Variants in ZNF280D observed in about 807,000 individuals in gnomAD.
ZNF280D encodes zinc finger protein 280D.
A neutral mutation model predicts 94.7 loss-of-function variants in ZNF280D; 39 were observed. The ratio of observed to expected loss-of-function variants is 0.41; its 90% CI spans 0.32 to 0.54. The LOEUF (loss-of-function observed/expected upper bound fraction) is 0.54. Among genes scored for constraint, ZNF280D ranks in the 20% least tolerant of loss-of-function variants. The pLI is 0.22. For missense variants in ZNF280D, 1,090 were observed against 1,149.3 expected (o/e 0.95, Z 0.75); for synonymous variants, 398 against 377.6 (o/e 1.05, Z -0.63).
intron 1 of ZNF280D, among the ~76,000 whole-genome samples, chr15:56,721,860 T>C (rs1037504433): frequency 2.0e-5 from 3 of 152,202 alleles, no homozygotes; most frequent in Non-Finnish European, 2.9e-5. Flanking sequence ...TCTTCAAGAA[T>C]GTTTCCTTCG....
chr15:56,713,681 C>T (rs1181619122), intron 1 of ZNF280D, among the ~76,000 whole-genome samples: 2 of 152,070 alleles, frequency 1.3e-5, no homozygotes, highest in East Asian at 3.8e-4. Flanking sequence ...TTTTGTGATC[C>T]CTCAAGCACT....
chr15:56,653,536 C>T (rs761409027), intron 19 of ZNF280D: 240 of 1,521,576 alleles, frequency 1.6e-4, no homozygotes, highest in Non-Finnish European at 1.9e-4. Context: ...TTGTGTCCAT[C>T]GAAGGGGGAC....
intron 19 of ZNF280D, among the ~76,000 whole-genome samples, chr15:56,647,349 G>A (rs1326432648): frequency 6.6e-6 from 1 of 152,156 alleles, no homozygotes; most frequent in African/African-American, 2.4e-5. Context: ...GCCCTGGCTG[G>A]TAAGAGATTA....
intron 7 of ZNF280D, among the ~76,000 whole-genome samples, chr15:56,692,252 T>C (rs1260253682): frequency 6.6e-6 from 1 of 151,910 alleles, no homozygotes; most frequent in Non-Finnish European, 1.5e-5. Flanking sequence ...AAATCAAGTA[T>C]TAAAAAATTG....
intron 16 of ZNF280D, among the ~76,000 whole-genome samples, chr15:56,663,281 C>CA (rs59183252): frequency 0.071 from 7,222 of 102,382 alleles, 521 homozygotes; most frequent in Admixed American, 0.18. Flanking sequence ...GACCCTTTCT[C>CA]AAAAAAAAAA....
At chr15:56,652,780 A>T (rs1279677028) in intron 19 of ZNF280D, 8 of 984,904 alleles carry the variant, frequency 8.1e-6, no homozygotes, top group Non-Finnish European at 9.6e-6. Context: ...CAATTAAGGT[A>T]ATATTAATAA....
intron 1 of ZNF280D, among the ~76,000 whole-genome samples, chr15:56,730,901 G>T (rs1237926995): frequency 6.6e-6 from 1 of 152,126 alleles, no homozygotes; most frequent in Non-Finnish European, 1.5e-5. Flanking sequence ...AATTGCAGAA[G>T]GAAATGCTTA....
At chr15:56,723,583 A>G (rs979270276) in intron 1 of ZNF280D, among the ~76,000 whole-genome samples, 41 of 152,170 alleles carry the variant, frequency 2.7e-4, no homozygotes, top group African/African-American at 9.4e-4. Context: ...CCCTTTTTCT[A>G]CTAAACTGCC....
Position 56,722,762 on chromosome 15 carries a change from TAA to T in ZNF280D, c.-86+10694_-86+10695del, listed in dbSNP as rs544832050. Among the ~76,000 whole-genome samples, 1,501 of 152,208 alleles carry T rather than the reference TAA, an allele frequency of 9.9e-3. 12 individuals carry two copies. Among genetic ancestry groups the T allele is most frequent in the Middle Eastern group, 0.017 (5 of 294 alleles). ...CAAAGGACTATAAATCATGCTGCTATAAAGACACATGCACACGTCTGTTTATT... is the reference window on the plus strand; with the variant it reads ...CAAAGGACTATAAATCATGCTGCTATAGACACATGCACACGTCTGTTTATT... On this transcript the variant is annotated intron_variant, in intron 1 of 21. Coordinates refer to ENST00000267807, the MANE Select transcript of ZNF280D (RefSeq NM_017661.4).
Position 56,631,876 on chromosome 15 carries a change from G to A in ZNF280D, c.2562C>T (p.Cys854=), listed in dbSNP as rs181896873. ...ATAAGATTATGTTTTCTGAACTTTG[G>A]CACATCTTCAACTCCATTTCCTGAC... ...HVCQEMELKM[C]QSSENIILSD... is the part of the protein sequence containing the mutation. Residue 854 remains cysteine (C), a synonymous_variant, in exon 22 of 22, where the codon TGC becomes TGT. Transcript: ENST00000267807. 4.3e-6 allele frequency: 7 copies of A among 1,613,566 alleles called. No individual in the cohort carries two copies. Among genetic ancestry groups the A allele is most frequent in the East Asian group, 2.2e-5 (1 of 44,856 alleles).
chr15:56,645,860 T>C (rs1263345028), intron 19 of ZNF280D, among the ~76,000 whole-genome samples: 1 of 152,114 alleles, frequency 6.6e-6, no homozygotes, highest in Non-Finnish European at 1.5e-5. Context: ...CCATACAAAA[T>C]TTAACATTCT....
chr15:56,648,920 C>G (rs571110367), intron 19 of ZNF280D, among the ~76,000 whole-genome samples: 1 of 152,152 alleles, frequency 6.6e-6, no homozygotes, highest in South Asian at 2.1e-4. Flanking sequence ...TCCTTAGGAC[C>G]AGTTCTATTT....
intron 3 of ZNF280D, among the ~76,000 whole-genome samples, chr15:56,704,959 G>T (rs1393280617): frequency 6.6e-6 from 1 of 151,992 alleles, no homozygotes; most frequent in Admixed American, 6.6e-5. Flanking sequence ...TTCCAGCCAG[G>T]GGTGACAGAT....
intron 20 of ZNF280D, among the ~76,000 whole-genome samples, chr15:56,640,645 T>C (rs1179114582): frequency 6.6e-6 from 1 of 152,180 alleles, no homozygotes; most frequent in Non-Finnish European, 1.5e-5. Context: ...GAGCAAACTG[T>C]CATGTACAAT....
chr15:56,631,860 T>A lies in ZNF280D; in HGVS notation c.2578A>T (p.Ile860Leu). Residue 860 changes from isoleucine to leucine, a missense_variant, in exon 22 of 22, where the codon ATA becomes TTA. By Grantham distance (5) the Ile-to-Leu change is conservative (BLOSUM62 2). Coordinates refer to ENST00000267807, the MANE Select transcript of ZNF280D (RefSeq NM_017661.4). ...TCTTTAATCTGATCAGATAAGATTA[T>A]GTTTTCTGAACTTTGGCACATCTTC... ...ELKMCQSSENIILSDQIKDHN... is the reference protein window; with the variant it reads ...ELKMCQSSENLILSDQIKDHN... 6.2e-7 allele frequency: 1 copy of A among 1,613,898 alleles called. No homozygotes were observed. The highest frequency in any genetic ancestry group is 1.3e-5 in the African/African-American group (1 of 75,074).
At chr15:56,697,320 G>C (rs1484314804) in intron 6 of ZNF280D, among the ~76,000 whole-genome samples, 2 of 152,058 alleles carry the variant, frequency 1.3e-5, no homozygotes, top group African/African-American at 4.8e-5. Flanking sequence ...AAGTAGCTGG[G>C]ATTACAGGCG....
At chr15:56,662,453 T>A (rs908932714) in intron 16 of ZNF280D, among the ~76,000 whole-genome samples, 1 of 152,148 alleles carries the variant, frequency 6.6e-6, no homozygotes. Flanking sequence ...CTGCAGTTTG[T>A]AATGTGCTAG....
In ZNF280D at chr15:56,689,322, A is replaced by G. The variant is rs2056275830; in HGVS notation, c.648T>C (p.Ser216=). 6.2e-7 allele frequency: 1 copy of G among 1,602,894 alleles called. No homozygotes were observed. Residue 216 remains serine (S), a synonymous_variant, in exon 8 of 22, where the codon TCT becomes TCC. Transcript: ENST00000267807. Reference sequence around the variant, plus strand: ...TACCTTTTGCTAGCATAGCCTGGGAAGAAGTCACTGAAGGAGATTTAACTG... The same window carrying G: ...TACCTTTTGCTAGCATAGCCTGGGAGGAAGTCACTGAAGGAGATTTAACTG... ...LPSVKSPSVT[S]SQAMLAKGTN...
intron 1 of ZNF280D, among the ~76,000 whole-genome samples, chr15:56,727,675 GGAAGA>G (rs2058691930): frequency 6.6e-6 from 1 of 152,056 alleles, no homozygotes; most frequent in East Asian, 1.9e-4. Context: ...TGCCCAAAAT[GGAAGA>G]GAAGAAAATT....
Sources: gnomAD v4.1 joint callset for allele counts (sites outside exome capture counted in the v4.1 genomes callset) on GRCh38, gnomAD v4.1.1 for gene constraint, MANE v1.5 for transcripts, NCBI Gene and HGNC (gene_info 2026-07-23, HGNC 2026-07-21) for gene names.